The following PAN3 variants were observed in gnomAD, a reference collection of about 807,000 sequenced individuals.
PAN3 encodes PAN2-PAN3 deadenylation complex subunit PAN3.
Under a neutral mutation model 96.2 loss-of-function variants are expected in PAN3, and 19 were observed. The ratio of observed to expected loss-of-function variants is 0.20; its 90% CI spans 0.14 to 0.29. The LOEUF (loss-of-function observed/expected upper bound fraction) is 0.29, where lower values mean the gene tolerates loss of function less well. Ranked by LOEUF, PAN3 falls within the 10% of genes least tolerant of loss-of-function variation. The pLI, the probability that PAN3 is intolerant of heterozygous loss-of-function variation, is 1.00. For synonymous variants in PAN3, 433 were observed against 406.6 expected, an observed-to-expected ratio of 1.06 and a Z score of -0.78; for missense variants, 882 against 1,108.1, an observed-to-expected ratio of 0.80 and a Z score of 2.90.
At position 28,139,068 on chromosome 13, in the gene PAN3, C is replaced by T; in HGVS notation, c.411C>T (p.Leu137=). ...GCGGAGGAGGCAGTAGCGGGGGACT[C>T]GATGGACCGCGGCTGGCAAGTGAGT... ...AAGGGGSSGG[L]DGPRLAIPGM... Residue 137 remains leucine, a synonymous_variant, in exon 1 of 19, where the codon CTC becomes CTT. Coordinates refer to ENST00000380958, the MANE Select transcript of PAN3 (RefSeq NM_175854.8). The T allele has an allele frequency of 3.2e-6, 4 of 1,267,378 alleles. No individual in the cohort carries two copies. The highest frequency in any genetic ancestry group is 4.0e-6 in the Non-Finnish European group (4 of 1,007,784). The allele number at this position is 1,267,378 out of a possible 1,614,324, so 78.5% of individuals were successfully genotyped here. A position where few individuals can be genotyped will look rare whatever the true frequency, so the allele number is the denominator to read the frequency against.
At chr13:28,257,104 A>G (rs17086462) in intron 7 of PAN3, among the ~76,000 whole-genome samples, 2,864 of 152,228 alleles carry the variant, frequency 0.019, 99 homozygotes, top group African/African-American at 0.065. Flanking sequence ...AGAGCTACCA[A>G]AGGACTGGCG....
At chr13:28,256,613 C>G in intron 7 of PAN3, 74 bp downstream of exon 7, 2 of 1,426,240 alleles carry the variant, frequency 1.4e-6, no homozygotes, top group Non-Finnish European at 1.9e-6. Context: ...GCGGTCTACC[C>G]CCTCCTGCAG....
At chr13:28,204,540 A>G (rs1879127846) in intron 5 of PAN3, among the ~76,000 whole-genome samples, 1 of 152,238 alleles carries the variant, frequency 6.6e-6, no homozygotes, top group Non-Finnish European at 1.5e-5. Context: ...TTATATTCAT[A>G]TGTGCTTAAA....
At chr13:28,284,986 T>C (rs796869433) in intron 17 of PAN3, among the ~76,000 whole-genome samples, 8 of 152,324 alleles carry the variant, frequency 5.3e-5, no homozygotes, top group South Asian at 4.1e-4. Context: ...TCATGGTATG[T>C]CATTCTATTT....
chr13:28,141,220 G>T (rs903733091), intron 1 of PAN3, among the ~76,000 whole-genome samples: 3 of 151,748 alleles, frequency 2.0e-5, no homozygotes, highest in African/African-American at 7.3e-5. Context: ...GGCCAGGTGG[G>T]TCTCGAACTC....
intron 6 of PAN3, among the ~76,000 whole-genome samples, chr13:28,225,516 G>C (rs1881900751): frequency 6.6e-6 from 1 of 152,142 alleles, no homozygotes. Context: ...GGAACCTTTG[G>C]GATTTACATA....
intron 1 of PAN3, among the ~76,000 whole-genome samples, chr13:28,148,989 A>G (rs1006028216): frequency 1.3e-5 from 2 of 152,292 alleles, no homozygotes; most frequent in African/African-American, 4.8e-5. Flanking sequence ...ATATATATTT[A>G]CACAATTATG....
chr13:28,266,914 A>T, intron 10 of PAN3, 38 bp downstream of exon 10: 1 of 1,485,184 alleles, frequency 6.7e-7, no homozygotes, highest in Non-Finnish European at 9.0e-7. Context: ...TAATCGTATC[A>T]TTGAGGCTAA....
intron 4 of PAN3, among the ~76,000 whole-genome samples, chr13:28,183,267 G>A (rs1464712704): frequency 2.0e-5 from 3 of 152,146 alleles, no homozygotes; most frequent in Non-Finnish European, 4.4e-5. Flanking sequence ...GGTTCTTTAT[G>A]TATGTTCTCA....
chr13:28,153,304 C>T (rs763670103), intron 1 of PAN3, among the ~76,000 whole-genome samples: 7 of 141,348 alleles, frequency 5.0e-5, no homozygotes, highest in Non-Finnish European at 7.5e-5. Context: ...GGCGCGATCT[C>T]GGCTCACTGT....
intron 6 of PAN3, among the ~76,000 whole-genome samples, chr13:28,232,805 T>A (rs1882715873): frequency 6.6e-6 from 1 of 152,076 alleles, no homozygotes; most frequent in Non-Finnish European, 1.5e-5. Flanking sequence ...TCCAAAAACT[T>A]TTTTTTAAAG....
At chr13:28,197,431 G>A in intron 5 of PAN3, 85 bp downstream of exon 5, 4 of 1,346,730 alleles carry the variant, frequency 3.0e-6, no homozygotes, top group Non-Finnish European at 4.0e-6. Flanking sequence ...GTTGTGAAAG[G>A]ATTGGATGAC....
At chr13:28,287,855 T>G (rs540619284) in intron 17 of PAN3, 129 bp from the exon 18 acceptor site, 1 of 765,190 alleles carries the variant, frequency 1.3e-6, no homozygotes, top group African/African-American at 1.8e-5. Flanking sequence ...TTAAAAACAC[T>G]GTACCAGACT....
intron 4 of PAN3, among the ~76,000 whole-genome samples, chr13:28,193,057 C>T (rs549281424): frequency 1.3e-5 from 2 of 152,198 alleles, no homozygotes; most frequent in South Asian, 4.1e-4. Flanking sequence ...ATAAAATACA[C>T]CAACACTAAT....
intron 4 of PAN3, among the ~76,000 whole-genome samples, chr13:28,186,056 C>A (rs999152875): frequency 4.6e-5 from 7 of 152,218 alleles, no homozygotes; most frequent in African/African-American, 1.7e-4. Context: ...TTCCCCAACT[C>A]TGTTTTATTC....
intron 1 of PAN3, among the ~76,000 whole-genome samples, chr13:28,144,728 T>C (rs1408032633): frequency 3.0e-5 from 4 of 132,458 alleles, no homozygotes; most frequent in South Asian, 2.3e-4. Flanking sequence ...CTTTTTTTTT[T>C]TTTTTTTTTT....
intron 1 of PAN3, among the ~76,000 whole-genome samples, chr13:28,162,171 CTG>C (rs1872958396): frequency 6.6e-6 from 1 of 152,180 alleles, no homozygotes. Context: ...GAGGAAGAAA[CTG>C]AGACTTAAGT....
At chr13:28,225,556 A>G (rs932069730) in intron 6 of PAN3, among the ~76,000 whole-genome samples, 22 of 152,196 alleles carry the variant, frequency 1.4e-4, no homozygotes, top group Non-Finnish European at 7.4e-5. Context: ...TAGAGGTGGC[A>G]TTTCTGACAG....
chr13:28,224,369 A>G (rs1419549020), intron 6 of PAN3, among the ~76,000 whole-genome samples: 1 of 152,176 alleles, frequency 6.6e-6, no homozygotes, highest in Non-Finnish European at 1.5e-5. Flanking sequence ...ACATTTCTGC[A>G]TGGTGTTCTT....
Sources: allele counts gnomAD v4.1 joint callset (sites outside exome capture counted in the v4.1 genomes callset), GRCh38; gene constraint gnomAD v4.1.1; transcripts MANE v1.5; gene names NCBI Gene and HGNC (gene_info 2026-07-23, HGNC 2026-07-21).